Variants in HEATR3 observed in about 807,000 individuals in gnomAD.
HEATR3 encodes the protein HEAT repeat-containing protein 3.
HEATR3 carries 56 observed loss-of-function variants against 72.8 expected under a neutral mutation model. That is an observed-to-expected ratio of 0.77 (90% confidence interval 0.62 to 0.96). HEATR3 has a LOEUF of 0.96. Ranked by LOEUF, HEATR3 falls within the 40% of genes least tolerant of loss-of-function variation. The probability of loss-of-function intolerance (pLI) is 0.00; values close to 1 mark genes in which losing one functional copy is unlikely to be tolerated. For missense variants in HEATR3, 747 were observed against 831.4 expected (o/e 0.90, Z 1.25); for synonymous variants, 331 against 318.1 (o/e 1.04, Z -0.43).
At position 50,084,212 on chromosome 16, in the gene HEATR3, G is replaced by A; in HGVS notation, c.1211G>A (p.Cys404Tyr). 6.2e-7 allele frequency: 1 copy of A among 1,614,152 alleles called. No homozygotes were observed. The highest frequency in any genetic ancestry group is 8.5e-7 in the Non-Finnish European group (1 of 1,180,002). ...DAFMENSFSE[C>Y]GGQLFSPLCL... ...TTTATGGAGAATTCCTTCAGTGAGT[G>A]CGGGGGACAGCTGTTTTCTCCCCTC... The change falls in exon 9 of 15, where the codon TGC (cysteine) becomes TAC (tyrosine). Residue 404 changes from cysteine (C) to tyrosine (Y), a missense_variant. Transcript: ENST00000299192.
rs1356630820 is a variant in HEATR3 at position 50,078,843 on chromosome 16, G to A, written c.866G>A (p.Gly289Asp). ...ILSEVLGMDA[G>D]EMVIQMKEAE... is the part of the protein sequence containing the mutation. The stretch of plus-strand genomic sequence containing the variant: ...TCTGAAGTTTTGGGAATGGATGCTG[G>A]TGAAATGGTTATTCAAATGAAAGAG... The change falls in exon 7 of 15, where the codon GGT becomes GAT. Residue 289 changes from glycine to aspartate, a missense_variant. Transcript: ENST00000299192. 1.2e-6 allele frequency: 2 copies of A among 1,614,110 alleles called. No homozygotes were observed. The highest frequency in any genetic ancestry group is 3.3e-5 in the Admixed American group (2 of 60,006).
intron 7 of HEATR3, among the ~76,000 whole-genome samples, chr16:50,082,702 A>T (rs1229383202): frequency 1.3e-5 from 2 of 149,290 alleles, no homozygotes; most frequent in Admixed American, 1.3e-4. Flanking sequence ...TGGGAGGATT[A>T]CTTGAGGTCA....
chr16:50,075,284 C>G (rs1335997679), intron 5 of HEATR3, among the ~76,000 whole-genome samples: 9 of 147,932 alleles, frequency 6.1e-5, no homozygotes, highest in African/African-American at 2.3e-4. Context: ...CCACTGCATT[C>G]CAGCCTGGGT....
At chr16:50,084,535 T>G (rs1310234914) in intron 9 of HEATR3, 34 bp from the exon 10 acceptor site, 2 of 1,468,028 alleles carry the variant, frequency 1.4e-6, no homozygotes, top group Non-Finnish European at 1.9e-6. Context: ...TGACTACTCT[T>G]TAACCTTTGC....
At chr16:50,077,413 C>A (rs1189111827) in intron 6 of HEATR3, among the ~76,000 whole-genome samples, 2 of 151,868 alleles carry the variant, frequency 1.3e-5, no homozygotes, top group Non-Finnish European at 2.9e-5. Context: ...CCTTGGCCTC[C>A]CAAAGTGCTG....
chr16:50,067,114 G>A (rs532996742), intron 2 of HEATR3, among the ~76,000 whole-genome samples: 6 of 152,182 alleles, frequency 3.9e-5, no homozygotes, highest in Non-Finnish European at 5.9e-5. Flanking sequence ...ATTGCTTTGG[G>A]AGGCCAAGGA....
intron 11 of HEATR3, among the ~76,000 whole-genome samples, chr16:50,094,256 C>G (rs2037180901): frequency 6.6e-6 from 1 of 152,158 alleles, no homozygotes; most frequent in African/African-American, 2.4e-5. Flanking sequence ...GCCATCATGT[C>G]CTGGCTCTGC....
chr16:50,086,068 A>G (rs1342795595), intron 10 of HEATR3, 147 bp from the exon 11 acceptor site: 2 of 715,250 alleles, frequency 2.8e-6, no homozygotes, highest in Admixed American at 6.3e-5. Flanking sequence ...AAAACAGTTC[A>G]CCTTGTGATT....
chr16:50,066,300 C>G, intron 1 of HEATR3, 31 bp downstream of exon 1: 3 of 1,575,386 alleles, frequency 1.9e-6, no homozygotes, highest in Non-Finnish European at 2.6e-6. Context: ...GGCCGGGAGG[C>G]GAGACGAGGT....
intron 12 of HEATR3, among the ~76,000 whole-genome samples, chr16:50,097,364 T>G (rs1597174713): frequency 7.3e-6 from 1 of 136,188 alleles, no homozygotes; most frequent in Non-Finnish European, 1.5e-5. Context: ...TTTTTCAGAA[T>G]AGCTATCCTA....
In HEATR3 at chr16:50,084,556, CTT is replaced by C; in HGVS notation, c.1291-10_1291-9del. 6.3e-7 allele frequency: 1 copy of C among 1,594,628 alleles called. No individual in the cohort carries two copies. Among genetic ancestry groups the C allele is most frequent in the East Asian group, 2.2e-5 (1 of 44,760 alleles). ...CTCTTTAACCTTTGCTTTACTGCCT[CTT>C]TTAAATCTAGATTTTTGAGAAAACT... is the stretch of plus-strand genomic sequence containing the variant. On this transcript the variant is annotated splice_polypyrimidine_tract_variant and intron_variant, in intron 9 of 14. Coordinates refer to ENST00000299192, the MANE Select transcript of HEATR3 (RefSeq NM_182922.4).
intron 6 of HEATR3, 90 bp from the exon 7 acceptor site, chr16:50,078,651 C>G: frequency 7.7e-7 from 1 of 1,296,578 alleles, no homozygotes; most frequent in South Asian, 1.5e-5. Flanking sequence ...TGAAATTACA[C>G]TGGCCTTAAA....
chr16:50,076,938 A>G (rs1479371530), intron 6 of HEATR3, among the ~76,000 whole-genome samples: 2 of 122,174 alleles, frequency 1.6e-5, no homozygotes, highest in South Asian at 2.4e-4. Flanking sequence ...CGCGATCTCC[A>G]CTCACTGCAA....
At chr16:50,092,011 T>C (rs7195793) in intron 11 of HEATR3, among the ~76,000 whole-genome samples, 151,955 of 152,284 alleles carry the variant, frequency 1, 75,813 homozygotes, top group Middle Eastern at 1. Flanking sequence ...ATATACACTT[T>C]GCAGTCAATA....
At chr16:50,072,896 C>G in intron 5 of HEATR3, 182 bp downstream of exon 5, 1 of 526,478 alleles carries the variant, frequency 1.9e-6, no homozygotes, top group South Asian at 2.4e-5. Context: ...TTTACCTACT[C>G]ATTCAGTTTT....
At chr16:50,072,304 G>A (rs1160056816) in intron 4 of HEATR3, among the ~76,000 whole-genome samples, 1 of 152,108 alleles carries the variant, frequency 6.6e-6, no homozygotes, top group Non-Finnish European at 1.5e-5. Flanking sequence ...TTATAAAATG[G>A]GGAGTTGAAT....
chr16:50,092,558 T>C (rs1335603921), intron 11 of HEATR3, among the ~76,000 whole-genome samples: 2 of 147,726 alleles, frequency 1.4e-5, no homozygotes, highest in Admixed American at 1.4e-4. Flanking sequence ...TGCCTCAGCC[T>C]CCTTAGTAGC....
At position 50,084,307 on chromosome 16, in the gene HEATR3, T is replaced by G. The variant is rs1781693788; in HGVS notation, c.1290+16T>G. 5 of 1,610,656 alleles carry G rather than the reference T, an allele frequency of 3.1e-6. No individual in the cohort carries two copies. The highest frequency in any genetic ancestry group is 4.2e-6 in the Non-Finnish European group (5 of 1,178,810). ...CCCAAAGAAGGTAATCCATTTTCAT[T>G]CTAGGCTTACCGTGGAGCATGGGAA... On this transcript the variant is annotated intron_variant, in intron 9 of 14. Transcript: ENST00000299192.
chr16:50,093,494 CT>C (rs1174523405), intron 11 of HEATR3, among the ~76,000 whole-genome samples: 1 of 152,118 alleles, frequency 6.6e-6, no homozygotes, highest in African/African-American at 2.4e-5. Flanking sequence ...GGTTTTACAA[CT>C]TGGAAATTGC....
Sources: allele counts gnomAD v4.1 joint callset (sites outside exome capture counted in the v4.1 genomes callset), GRCh38; gene constraint gnomAD v4.1.1; transcripts MANE v1.5; gene names NCBI Gene and HGNC (gene_info 2026-07-23, HGNC 2026-07-21).